POR: variants seen among roughly 807,000 people sequenced by gnomAD.
The protein encoded by POR is NADPH--cytochrome P450 reductase.
Under a neutral mutation model 84.0 loss-of-function variants are expected in POR, and 56 were observed. The observed-to-expected ratio is 0.67, with a 90% CI of 0.54 to 0.83. The LOEUF (loss-of-function observed/expected upper bound fraction) is 0.83. Among genes scored for constraint, POR ranks in the 40% least tolerant of loss-of-function variants. The pLI is 0.00. For missense variants in POR, 938 were observed against 944.3 expected, an observed-to-expected ratio of 0.99 and a Z score of 0.09; for synonymous variants, 414 against 400.5, an observed-to-expected ratio of 1.03 and a Z score of -0.40.
intron 2 of POR, among the ~76,000 whole-genome samples, chr7:75,963,014 G>T (rs538315771): frequency 1.3e-5 from 2 of 152,264 alleles, no homozygotes; most frequent in East Asian, 1.9e-4. Flanking sequence ...AGCCACAAAA[G>T]ATCTCATTTT....
intron 3 of POR, among the ~76,000 whole-genome samples, chr7:75,976,374 C>T (rs914575458): frequency 1.3e-5 from 2 of 151,466 alleles, no homozygotes; most frequent in East Asian, 1.9e-4. Context: ...ACCCGGGAGG[C>T]GGAGGTTGCA....
At chr7:75,937,640 G>A (rs1554551011) in intron 1 of POR, among the ~76,000 whole-genome samples, 1 of 151,742 alleles carries the variant, frequency 6.6e-6, no homozygotes, top group Non-Finnish European at 1.5e-5. Flanking sequence ...AAATTAGCCA[G>A]GCGTGGTGGC....
chr7:75,948,106 AAGT>A (rs1185685449), intron 1 of POR, among the ~76,000 whole-genome samples: 1 of 152,010 alleles, frequency 6.6e-6, no homozygotes, highest in African/African-American at 2.4e-5. Context: ...CCCATGTCCT[AAGT>A]AGAGGGCGGT....
intron 1 of POR, among the ~76,000 whole-genome samples, chr7:75,935,619 T>TTGTGTGTGTGTGTG (rs57899780): frequency 6.9e-5 from 9 of 131,286 alleles, no homozygotes; most frequent in Non-Finnish European, 1.2e-4. Flanking sequence ...TGCTCGGGGC[T>TTGTGTGTGTGTGTG]TGTGTGTGTG....
chr7:75,927,448 C>A (rs1245664183), intron 1 of POR, among the ~76,000 whole-genome samples: 1 of 151,318 alleles, frequency 6.6e-6, no homozygotes, highest in Non-Finnish European at 1.5e-5. Context: ...CAGAGTGAGA[C>A]CCTGTCTCAA....
At chr7:75,972,666 T>G (rs1369758552) in intron 3 of POR, 1 of 648,346 alleles carries the variant, frequency 1.5e-6, no homozygotes, top group Non-Finnish European at 2.8e-6. Flanking sequence ...TTTGTTTCCT[T>G]GAATCTTTAC....
rs782738586 is a variant in POR at position 75,983,524 on chromosome 7, T to G, written c.835T>G (p.Phe279Val). ...GCTTCTCTCCTCCCCACCCAGCCCC[T>G]TTGATGCCAAGAATCCGTTCCTGGC... The change falls in exon 9 of 16, where the codon TTT becomes GTT. Residue 279 changes from phenylalanine to valine, a missense_variant. Physicochemically the swap from Phe to Val is conservative, Grantham distance 50 (BLOSUM62 -1). Coordinates refer to ENST00000461988, the MANE Select transcript of POR (RefSeq NM_000941.3). 9 of 1,612,136 alleles carry G rather than the reference T, an allele frequency of 5.6e-6. No homozygotes were observed. Among genetic ancestry groups the G allele is most frequent in the Non-Finnish European group, 7.6e-6 (9 of 1,179,408 alleles).
chr7:75,921,554 C>A (rs1400177517), intron 1 of POR, among the ~76,000 whole-genome samples: 3 of 151,832 alleles, frequency 2.0e-5, no homozygotes, highest in Admixed American at 6.6e-5. Flanking sequence ...CGTGAGCCAC[C>A]ACGCCCGGCC....
chr7:75,985,295 G>T, intron 12 of POR, 88 bp downstream of exon 12: 2 of 1,426,756 alleles, frequency 1.4e-6, no homozygotes, highest in Non-Finnish European at 9.3e-7. Flanking sequence ...CAGGAGCTCC[G>T]AGATCTGAGC....
intron 1 of POR, among the ~76,000 whole-genome samples, chr7:75,928,006 G>C (rs146890093): frequency 0.01 from 1,231 of 118,454 alleles, 18 homozygotes; most frequent in Middle Eastern, 0.045. Context: ...GAGTCTTGCT[G>C]TGTTGCCCAG....
chr7:75,985,353 G>T, intron 12 of POR, 146 bp downstream of exon 12: 1 of 1,204,072 alleles, frequency 8.3e-7, no homozygotes, highest in Non-Finnish European at 1.1e-6. Context: ...GCCTCCCCAG[G>T]CTGTGGACTC....
chr7:75,954,771 G>A (rs931398004), intron 2 of POR, among the ~76,000 whole-genome samples: 9 of 150,010 alleles, frequency 6.0e-5, no homozygotes, highest in East Asian at 1.9e-4. Context: ...ACAGCGGTGC[G>A]ATCTCGGCTC....
intron 1 of POR, among the ~76,000 whole-genome samples, chr7:75,925,785 G>A (rs1228923740): frequency 6.6e-6 from 1 of 152,150 alleles, no homozygotes; most frequent in Non-Finnish European, 1.5e-5. Context: ...GTCCCATCTA[G>A]GTAAGAGGCT....
chr7:75,920,641 G>A (rs546126262), intron 1 of POR, among the ~76,000 whole-genome samples: 49 of 152,130 alleles, frequency 3.2e-4, no homozygotes, highest in South Asian at 2.1e-3. Context: ...TGATGCCGGT[G>A]TTCTTAGAGC....
chr7:75,982,349 C>T, intron 8 of POR, 27 bp downstream of exon 8: 1 of 1,574,118 alleles, frequency 6.4e-7, no homozygotes, highest in Non-Finnish European at 8.7e-7. Flanking sequence ...TGGCTTGGGG[C>T]AGACGGCTCT....
At chr7:75,986,268 G>A (rs1422469370) in intron 15 of POR, 27 bp downstream of exon 15, 2 of 1,612,640 alleles carry the variant, frequency 1.2e-6, no homozygotes, top group East Asian at 2.2e-5. Flanking sequence ...ACTGGAATAG[G>A]GGGCAGGGAG....
intron 5 of POR, chr7:75,980,754 T>C: frequency 6.9e-7 from 1 of 1,448,802 alleles, no homozygotes; most frequent in Non-Finnish European, 9.2e-7. Flanking sequence ...GACTGAGACC[T>C]GCCTGGCCTC....
Position 75,986,692 on chromosome 7 carries a change from G to GAGCCC in POR, c.*211_*212insAGCCC. The GAGCCC allele has an allele frequency of 1.6e-6, 1 of 634,660 alleles. No individual in the cohort carries two copies. Among genetic ancestry groups the GAGCCC allele is most frequent in the Non-Finnish European group, 2.7e-6 (1 of 370,494 alleles). The allele number at this position is 634,660 out of a possible 1,614,324, so 39.3% of individuals were successfully genotyped here. A position where few individuals can be genotyped will look rare whatever the true frequency, so the allele number is the denominator to read the frequency against. ...GGCAGCACAGCCCAGGGCCTGCATG[G>GAGCCC]GGGCACCGGGCTCCATGCCTCTGGA... On this transcript the variant is annotated 3_prime_UTR_variant, in exon 16 of 16. Transcript: ENST00000461988.
Position 75,981,119 on chromosome 7 carries a change from G to A in POR, c.588G>A (p.Glu196=). ...GCAAGTACGTGGACAAGCGGCTGGA[G>A]CAGCTCGGCGCCCAGCGCATCTTTG... Residue 196 remains glutamate (E), a synonymous_variant, in exon 6 of 16, where the codon GAG becomes GAA. Coordinates refer to ENST00000461988, the MANE Select transcript of POR (RefSeq NM_000941.3). 6.4e-7 allele frequency: 1 copy of A among 1,560,748 alleles called. No homozygotes were observed. The highest frequency in any genetic ancestry group is 8.7e-7 in the Non-Finnish European group (1 of 1,153,406).
Sources: gnomAD v4.1 joint callset for allele counts (sites outside exome capture counted in the v4.1 genomes callset) on GRCh38, gnomAD v4.1.1 for gene constraint, MANE v1.5 for transcripts, NCBI Gene and HGNC (gene_info 2026-07-23, HGNC 2026-07-21) for gene names.